Variants in TBCCD1 observed in about 807,000 individuals in gnomAD.
The protein encoded by TBCCD1 is TBCC domain containing 1, also known as TBCC domain-containing protein 1.
Under a neutral mutation model 53.4 loss-of-function variants are expected in TBCCD1, and 26 were observed. That is an observed-to-expected ratio of 0.49 (90% CI 0.36 to 0.68). TBCCD1 has a LOEUF of 0.68. Ranked by LOEUF, TBCCD1 falls within the 30% of genes least tolerant of loss-of-function variation. The pLI is 0.00. For synonymous variants in TBCCD1, 245 were observed against 241.7 expected (o/e 1.01, Z -0.13); for missense variants, 558 against 669.5 (o/e 0.83, Z 1.84).
intron 3 of TBCCD1, among the ~76,000 whole-genome samples, chr3:186,557,798 G>A (rs780138512): frequency 6.6e-6 from 1 of 152,148 alleles, no homozygotes; most frequent in Non-Finnish European, 1.5e-5. Context: ...AAATAGCAAA[G>A]AGATATTTTT....
At chr3:186,561,278 T>C (rs1714680724) in intron 2 of TBCCD1, among the ~76,000 whole-genome samples, 1 of 152,172 alleles carries the variant, frequency 6.6e-6, no homozygotes, top group Admixed American at 6.5e-5. Flanking sequence ...AAATGGACTA[T>C]GGACCTGAAT....
chr3:186,570,087 G>A (rs1397416945), upstream of TBCCD1: 1 of 699,692 alleles, frequency 1.4e-6, no homozygotes, highest in East Asian at 2.7e-5. Flanking sequence ...TGGGAGGAGG[G>A]GAGGGGTGGG....
chr3:186,557,639 A>T (rs1043846431), intron 3 of TBCCD1, among the ~76,000 whole-genome samples: 4 of 152,210 alleles, frequency 2.6e-5, no homozygotes, highest in Non-Finnish European at 5.9e-5. Flanking sequence ...GGGAAAATTG[A>T]CCCAGACAGA....
chr3:186,564,620 G>A (rs1714776095), intron 1 of TBCCD1, among the ~76,000 whole-genome samples: 1 of 152,204 alleles, frequency 6.6e-6, no homozygotes, highest in African/African-American at 2.4e-5. Context: ...TTTAGGAAGT[G>A]TGTGTAGATG....
intron 1 of TBCCD1, among the ~76,000 whole-genome samples, chr3:186,564,676 A>G (rs1374599140): frequency 1.3e-5 from 2 of 152,254 alleles, no homozygotes; most frequent in African/African-American, 4.8e-5. Flanking sequence ...ATGAGGGGAA[A>G]AAAGTCATCC....
chr3:186,569,327 T>TATTTATTTATTTATTATTC (rs1299175520), upstream of TBCCD1, among the ~76,000 whole-genome samples: 1 of 151,784 alleles, frequency 6.6e-6, no homozygotes, highest in African/African-American at 2.4e-5. Context: ...TTTATTTATT[T>TATTTATTTATTTATTATTC]ATTTATTTTG....
At chr3:186,564,649 T>G (rs1459868182) in intron 1 of TBCCD1, among the ~76,000 whole-genome samples, 2 of 152,092 alleles carry the variant, frequency 1.3e-5, no homozygotes, top group Non-Finnish European at 2.9e-5. Flanking sequence ...CTGAGTGAGA[T>G]CCCAGGAAGA....
intron 3 of TBCCD1, among the ~76,000 whole-genome samples, chr3:186,557,887 T>C (rs1168374899): frequency 6.6e-6 from 1 of 152,198 alleles, no homozygotes; most frequent in Non-Finnish European, 1.5e-5. Context: ...AGTTTTTCAA[T>C]ATACTTACAC....
rs149560406 is a variant in TBCCD1 at position 186,557,431 on chromosome 3, T to G, written c.493-656A>C. On this transcript the variant is annotated intron_variant, in intron 3 of 7. Transcript: ENST00000338733. ...GTGCCCATTCTGCAGGAACTACATG[T>G]GGAGAGAGAGGTAGTGACTGGTATC... is the stretch of plus-strand genomic sequence containing the variant. Among the ~76,000 whole-genome samples, 124 of 152,304 alleles carry G rather than the reference T, an allele frequency of 8.1e-4. 1 individual carries two copies. Among genetic ancestry groups the G allele is most frequent in the African/African-American group, 2.9e-3 (122 of 41,558 alleles).
intron 2 of TBCCD1, among the ~76,000 whole-genome samples, 187 bp downstream of exon 2, chr3:186,563,807 T>C (rs1297273877): frequency 6.6e-6 from 1 of 152,236 alleles, no homozygotes; most frequent in Non-Finnish European, 1.5e-5. Flanking sequence ...CTCATGCCTG[T>C]AATCCTAACA....
At chr3:186,567,506 A>G (rs1714876021), upstream of TBCCD1, 1 of 152,170 alleles carries the variant, frequency 6.6e-6, no homozygotes, top group Non-Finnish European at 1.5e-5. Flanking sequence ...CTGGAGCCAG[A>G]CCCACCGCTT....
intron 7 of TBCCD1, among the ~76,000 whole-genome samples, chr3:186,550,876 G>C (rs1174446343): frequency 6.6e-6 from 1 of 152,154 alleles, no homozygotes; most frequent in Non-Finnish European, 1.5e-5. Flanking sequence ...AGTACAACTT[G>C]TCCCAGGCAA....
chr3:186,564,021 C>A lies in TBCCD1; in HGVS notation c.309G>T (p.Glu103Asp), dbSNP rs746307140. 6.2e-7 allele frequency: 1 copy of A among 1,612,204 alleles called. No individual in the cohort carries two copies. Among genetic ancestry groups the A allele is most frequent in the East Asian group, 2.2e-5 (1 of 44,858 alleles). Residue 103 changes from glutamate to aspartate, a missense_variant, in exon 2 of 8, where the codon GAG (glutamate) becomes GAT (aspartate). Transcript: ENST00000338733. ...GATTTCTCTGCTTTTCAACTTCCTC[C>A]TCAGACATGCAGTTGGACAGAACCT... ...WSEVLSNCMS[E>D]EEVEKQRNQL...
upstream of TBCCD1, among the ~76,000 whole-genome samples, chr3:186,568,889 C>A (rs976570760): frequency 2.1e-5 from 3 of 143,912 alleles, no homozygotes; most frequent in African/African-American, 8.2e-5. Context: ...GGCGACAGAG[C>A]GAGACTCTGT....
chr3:186,551,262 A>C lies in TBCCD1; in HGVS notation c.1562T>G (p.Phe521Cys). The C allele has an allele frequency of 6.2e-7, 1 of 1,613,104 alleles. No individual in the cohort carries two copies. Among genetic ancestry groups the C allele is most frequent in the Non-Finnish European group, 8.5e-7 (1 of 1,179,732 alleles). ...AAACTTGTTCTCTACCAGTACCTGG[A>C]ACTGCTTCCTTTGATCCCTAAAATT... Reference protein sequence around the residue: ...AHLTKDQRKQFQVLVENKFYE... With the variant: ...AHLTKDQRKQCQVLVENKFYE... Residue 521 changes from phenylalanine (F) to cysteine (C), a missense_variant, in exon 7 of 8, where the codon TTC becomes TGC. Phe to Cys is a radical substitution (Grantham distance 205). Coordinates refer to ENST00000338733, the MANE Select transcript of TBCCD1 (RefSeq NM_018138.5).
upstream of TBCCD1, chr3:186,570,015 A>G (rs1180677290): frequency 1.7e-6 from 1 of 596,178 alleles, no homozygotes; most frequent in Non-Finnish European, 3.1e-6. Context: ...TCCCTGTTAA[A>G]ATTCACAGAA....
intron 1 of TBCCD1, among the ~76,000 whole-genome samples, chr3:186,567,037 G>A (rs1365104723): frequency 3.9e-5 from 6 of 152,192 alleles, no homozygotes; most frequent in Admixed American, 1.3e-4. Context: ...ATCGGCGTGG[G>A]TCCAAGGCGG....
chr3:186,555,088 T>C lies in TBCCD1; in HGVS notation c.860-4A>G, dbSNP rs1298668797. 5.0e-6 allele frequency: 8 copies of C among 1,588,456 alleles called. No homozygotes were observed. The highest frequency in any genetic ancestry group is 6.8e-6 in the Non-Finnish European group (8 of 1,168,680). On this transcript the variant is annotated splice_polypyrimidine_tract_variant and splice_region_variant and intron_variant, in intron 4 of 7. Transcript: ENST00000338733. Reference sequence around the variant, plus strand: ...GCTCTTTTGGTGGTCCCTTCAACTATTTAAGAAAACATATAAATAGATGAG... The same window carrying C: ...GCTCTTTTGGTGGTCCCTTCAACTACTTAAGAAAACATATAAATAGATGAG...
chr3:186,564,447 C>T, intron 1 of TBCCD1, 75 bp from the exon 2 acceptor site: 1 of 973,078 alleles, frequency 1.0e-6, no homozygotes, highest in Non-Finnish European at 1.5e-6. Context: ...AAGGTGACCC[C>T]TCTCTCTCAA....
Sources: allele counts gnomAD v4.1 joint callset (sites outside exome capture counted in the v4.1 genomes callset), GRCh38; gene constraint gnomAD v4.1.1; transcripts MANE v1.5; gene names NCBI Gene and HGNC (gene_info 2026-07-23, HGNC 2026-07-21).